Variants in OPHN1 observed in about 807,000 individuals in gnomAD.
OPHN1 encodes oligophrenin-1.
A neutral mutation model predicts 60.7 loss-of-function variants in OPHN1; 11 were observed. The observed-to-expected ratio is 0.18, with a 90% CI of 0.11 to 0.30. The LOEUF (loss-of-function observed/expected upper bound fraction) is 0.30. Among genes scored for constraint, OPHN1 ranks in the 10% least tolerant of loss-of-function variants. The pLI is 1.00. For missense variants in OPHN1, 449 were observed against 611.0 expected, an observed-to-expected ratio of 0.73 and a Z score of 2.80; for synonymous variants, 226 against 222.6, an observed-to-expected ratio of 1.02 and a Z score of -0.14.
chrX:68,303,812 T>C (rs1198667300), intron 2 of OPHN1, among the ~76,000 whole-genome samples: 1 of 110,941 alleles, frequency 9.0e-6, no homozygotes, highest in African/African-American at 3.3e-5. Flanking sequence ...TACCACATGC[T>C]CTTACTCGTA....
chrX:68,279,026 CAGAA>C (rs1308377157), intron 4 of OPHN1, among the ~76,000 whole-genome samples: 2 of 103,660 alleles, frequency 1.9e-5, no homozygotes, highest in Non-Finnish European at 3.9e-5. Context: ...CCTTCAGAGT[CAGAA>C]AGGAATCTAG....
intron 15 of OPHN1, among the ~76,000 whole-genome samples, chrX:68,121,012 TGTAAGACCAGAAAC>T (rs1238931718): frequency 8.9e-6 from 1 of 112,274 alleles, no homozygotes; most frequent in East Asian, 2.8e-4. Flanking sequence ...AAGACTTAAA[TGTAAGACCAGAAAC>T]CATAAAACTA....
At chrX:68,348,719 G>T (rs1389221450) in intron 2 of OPHN1, among the ~76,000 whole-genome samples, 1 of 111,521 alleles carries the variant, frequency 9.0e-6, no homozygotes. Flanking sequence ...AGGCACTAGG[G>T]CTACAAAGAC....
At chrX:68,221,052 T>C (rs1306575347) in intron 6 of OPHN1, among the ~76,000 whole-genome samples, 3 of 103,422 alleles carry the variant, frequency 2.9e-5, no homozygotes, top group African/African-American at 1.0e-4. Context: ...CAGCCCAAAA[T>C]CTCCTTAAGC....
At chrX:68,399,104 T>A (rs1332452530) in intron 2 of OPHN1, among the ~76,000 whole-genome samples, 3 of 110,586 alleles carry the variant, frequency 2.7e-5, no homozygotes, top group Non-Finnish European at 5.7e-5. Flanking sequence ...CCATCTTTGA[T>A]ATCTCCATCT....
intron 2 of OPHN1, among the ~76,000 whole-genome samples, chrX:68,319,400 G>A (rs186096487): frequency 3.7e-4 from 41 of 110,777 alleles, no homozygotes; most frequent in African/African-American, 1.3e-3. Flanking sequence ...AGGCCTTGAC[G>A]AAGAGTTCTT....
intron 7 of OPHN1, among the ~76,000 whole-genome samples, chrX:68,213,351 C>T (rs2077593385): frequency 9.0e-6 from 1 of 110,882 alleles, no homozygotes; most frequent in Admixed American, 9.6e-5. Flanking sequence ...GACAGTGAGA[C>T]CCTGTCTCAA....
At chrX:68,099,029 T>C (rs936200650) in intron 18 of OPHN1, among the ~76,000 whole-genome samples, 3 of 111,194 alleles carry the variant, frequency 2.7e-5, no homozygotes. Context: ...TCTGGAGAAA[T>C]CAAAACTCAT....
intron 5 of OPHN1, among the ~76,000 whole-genome samples, chrX:68,258,158 G>A (rs1258069557): frequency 9.1e-6 from 1 of 110,292 alleles, no homozygotes; most frequent in African/African-American, 3.3e-5. Flanking sequence ...ACCTCATCCT[G>A]GGTCATGGTC....
At chrX:68,393,885 GTTTTTTTTTTTTT>G (rs1163192446) in intron 2 of OPHN1, among the ~76,000 whole-genome samples, 4 of 34,587 alleles carry the variant, frequency 1.2e-4, no homozygotes, top group South Asian at 3.5e-3. Flanking sequence ...AATAGACTTT[GTTTTTTTTTTTTT>G]TTTTTTTTTT....
intron 12 of OPHN1, among the ~76,000 whole-genome samples, chrX:68,195,480 G>C (rs1245769769): frequency 8.9e-6 from 1 of 111,985 alleles, no homozygotes; most frequent in Admixed American, 9.5e-5. Context: ...GAAATTTTGG[G>C]CATGCCCTTT....
chrX:68,131,256 T>C (rs1302458626), intron 15 of OPHN1, among the ~76,000 whole-genome samples: 1 of 109,457 alleles, frequency 9.1e-6, no homozygotes, highest in Non-Finnish European at 1.9e-5. Context: ...TTTTGCTCTG[T>C]GGCCTAGGCT....
At chrX:68,258,784 G>A (rs1304171161) in intron 5 of OPHN1, among the ~76,000 whole-genome samples, 1 of 111,279 alleles carries the variant, frequency 9.0e-6, no homozygotes. Flanking sequence ...AAGTAGAGCT[G>A]CTCTGTGTCT....
intron 18 of OPHN1, among the ~76,000 whole-genome samples, chrX:68,108,658 C>T (rs2077091749): frequency 9.0e-6 from 1 of 110,974 alleles, no homozygotes; most frequent in South Asian, 3.8e-4. Context: ...TAAAATTTTG[C>T]TCTTCTTGTT....
At chrX:68,302,866 C>G (rs1170792601) in intron 2 of OPHN1, among the ~76,000 whole-genome samples, 1 of 111,139 alleles carries the variant, frequency 9.0e-6, no homozygotes, top group Admixed American at 9.6e-5. Flanking sequence ...CAAGGCTACA[C>G]TGAGCTGTGA....
At chrX:68,254,226 T>C (rs1002775055) in intron 5 of OPHN1, among the ~76,000 whole-genome samples, 5 of 111,389 alleles carry the variant, frequency 4.5e-5, no homozygotes, top group Non-Finnish European at 9.4e-5. Flanking sequence ...GTATTATTCC[T>C]TGCTCTGCCA....
intron 16 of OPHN1, among the ~76,000 whole-genome samples, chrX:68,118,448 C>T (rs1836956253): frequency 9.0e-6 from 1 of 111,584 alleles, no homozygotes; most frequent in African/African-American, 3.3e-5. Context: ...AAATATTTAA[C>T]AGTAATATCT....
chrX:68,266,661 CA>C (rs1349360614), intron 5 of OPHN1, among the ~76,000 whole-genome samples: 10 of 111,329 alleles, frequency 9.0e-5, no homozygotes, highest in African/African-American at 2.9e-4. Context: ...ATGACAGGAT[CA>C]AATTTACACG....
At position 68,153,572 on chromosome X, in the gene OPHN1, G is replaced by A. The variant is rs145178535; in HGVS notation, c.1277-34240C>T. Among the ~76,000 whole-genome samples, 370 of 112,096 alleles carry A rather than the reference G, an allele frequency of 3.3e-3. 3 individuals are homozygous for A. Among genetic ancestry groups the A allele is most frequent in the African/African-American group, 0.012 (359 of 30,851 alleles). On this transcript the variant is annotated intron_variant, in intron 15 of 24. Transcript: ENST00000355520. ...CCAAGGAAAACCCTGAACATTGAGTGTCTAATGGCCTTCCCTAGACAGAAA... is the reference window on the plus strand; with the variant it reads ...CCAAGGAAAACCCTGAACATTGAGTATCTAATGGCCTTCCCTAGACAGAAA...
Sources: gnomAD v4.1 joint callset for allele counts (sites outside exome capture counted in the v4.1 genomes callset) on GRCh38, gnomAD v4.1.1 for gene constraint, MANE v1.5 for transcripts, NCBI Gene and HGNC (gene_info 2026-07-23, HGNC 2026-07-21) for gene names.